The following WWC1 variants were observed in gnomAD, a reference collection of about 807,000 sequenced individuals.
WWC1 encodes protein KIBRA.
A neutral mutation model predicts 138.4 loss-of-function variants in WWC1; 55 were observed. The ratio of observed to expected loss-of-function variants is 0.40; its 90% CI spans 0.32 to 0.50. The LOEUF is 0.50. WWC1 is among the 20% of genes least tolerant of loss of function. The pLI is 0.72. For missense variants in WWC1, 1,226 were observed against 1,420.4 expected, an observed-to-expected ratio of 0.86 and a Z score of 2.20; for synonymous variants, 524 against 564.9, an observed-to-expected ratio of 0.93 and a Z score of 1.03.
chr5:168,336,907 G>A (rs544307529), intron 1 of WWC1, among the ~76,000 whole-genome samples: 12 of 152,278 alleles, frequency 7.9e-5, no homozygotes, highest in Admixed American at 4.6e-4. Context: ...AAGTGGTGAC[G>A]CCGACTTCAG....
intron 1 of WWC1, among the ~76,000 whole-genome samples, chr5:168,314,931 C>A (rs1771443757): frequency 6.6e-6 from 1 of 152,182 alleles, no homozygotes. Flanking sequence ...AGCATTTTAT[C>A]GGAAGCACGG....
chr5:168,349,216 A>T (rs1253979523), intron 1 of WWC1, among the ~76,000 whole-genome samples: 1 of 152,160 alleles, frequency 6.6e-6, no homozygotes, highest in East Asian at 1.9e-4. Context: ...TGTGTCCCAG[A>T]GACCTGTAAG....
intron 1 of WWC1, among the ~76,000 whole-genome samples, chr5:168,318,903 C>G (rs1771832680): frequency 1.3e-5 from 2 of 152,154 alleles, no homozygotes; most frequent in Admixed American, 6.5e-5. Context: ...CAAGGTTTAT[C>G]TATGTTGTCG....
rs1426486732 is a variant in WWC1 at position 168,423,147 on chromosome 5, C to CA, written c.1275-386_1275-385insA. 2.9e-4 allele frequency among the ~76,000 whole-genome samples: 27 copies of CA among 92,986 alleles called. 1 individual carries two copies. The highest frequency in any genetic ancestry group is 7.7e-4 in the African/African-American group (18 of 23,304). The allele number at this position is 92,986 out of a possible 152,430, so 61.0% of individuals were successfully genotyped here. A position where few individuals can be genotyped will look rare whatever the true frequency, so the allele number is the denominator to read the frequency against. On this transcript the variant is annotated intron_variant, in intron 10 of 22. Coordinates refer to ENST00000265293, the MANE Select transcript of WWC1 (RefSeq NM_015238.3). ...GCGACAGAGCAAGACTCCATCCCCC[C>CA]CCAAAAAAAAAAAAAAAAAAAAAAA...
At chr5:168,451,903 C>CTTTTTTTTTTTTTTTTTTTTT (rs3085192) in intron 17 of WWC1, among the ~76,000 whole-genome samples, 1 of 108,544 alleles carries the variant, frequency 9.2e-6, no homozygotes, top group African/African-American at 3.7e-5. Context: ...TTGTTGGTGT[C>CTTTTTTTTTTTTTTTTTTTTT]TTTTTTTTTT....
rs997741046 is a variant in WWC1 at position 168,459,159 on chromosome 5, C to T, written c.2824-1491C>T. On this transcript the variant is annotated intron_variant, in intron 19 of 22. Coordinates refer to ENST00000265293, the MANE Select transcript of WWC1 (RefSeq NM_015238.3). The stretch of plus-strand genomic sequence containing the variant: ...GTCCCAGCTACTTGAGAGGCTGAGG[C>T]GGGAGAATCACTTGAGCCCGAGAAG... 3.4e-5 allele frequency among the ~76,000 whole-genome samples: 5 copies of T among 147,286 alleles called. No homozygotes were observed. In the East Asian group the frequency reaches 8.1e-4, roughly 24 times the overall value.
intron 1 of WWC1, among the ~76,000 whole-genome samples, chr5:168,345,330 C>G (rs978360010): frequency 2.0e-5 from 3 of 152,332 alleles, no homozygotes; most frequent in South Asian, 2.1e-4. Context: ...GTTTCGAACT[C>G]TCGACCTCAA....
At chr5:168,422,252 G>T (rs552579264) in intron 10 of WWC1, among the ~76,000 whole-genome samples, 155 bp downstream of exon 10, 2 of 152,206 alleles carry the variant, frequency 1.3e-5, no homozygotes, top group Non-Finnish European at 2.9e-5. Flanking sequence ...AGACTCGGGC[G>T]TGGCCTGGTG....
intron 1 of WWC1, among the ~76,000 whole-genome samples, chr5:168,349,337 A>G (rs1057040631): frequency 6.6e-6 from 1 of 152,136 alleles, no homozygotes; most frequent in Non-Finnish European, 1.5e-5. Flanking sequence ...GCCTTCTGAA[A>G]TCTTTTGTAT....
At chr5:168,409,875 C>T in intron 7 of WWC1, 47 bp from the exon 8 acceptor site, 7 of 1,604,926 alleles carry the variant, frequency 4.4e-6, no homozygotes, top group Non-Finnish European at 6.0e-6. Context: ...CAACTCAGCA[C>T]CGGCCACAAC....
At chr5:168,334,541 ACCCT>A (rs1773298720) in intron 1 of WWC1, among the ~76,000 whole-genome samples, 1 of 151,016 alleles carries the variant, frequency 6.6e-6, no homozygotes, top group Non-Finnish European at 1.5e-5. Flanking sequence ...GTAAGATCAG[ACCCT>A]CCCCCCTCCA....
intron 5 of WWC1, among the ~76,000 whole-genome samples, chr5:168,400,589 T>C (rs1205403101): frequency 6.6e-6 from 1 of 152,230 alleles, no homozygotes; most frequent in African/African-American, 2.4e-5. Context: ...AGGAATGCTT[T>C]GTTATATAAC....
At chr5:168,328,011 C>T (rs1218071755) in intron 1 of WWC1, among the ~76,000 whole-genome samples, 1 of 152,198 alleles carries the variant, frequency 6.6e-6, no homozygotes, top group Non-Finnish European at 1.5e-5. Context: ...CTGCTCAAAA[C>T]AGAGTGGGAC....
chr5:168,415,236 C>G (rs1043260375), intron 9 of WWC1: 1 of 152,228 alleles, frequency 6.6e-6, no homozygotes, highest in Middle Eastern at 3.2e-3. Context: ...GGTGCTGTCT[C>G]TCTGCTCCAG....
chr5:168,297,329 G>A lies in WWC1; in HGVS notation c.119+5058G>A, dbSNP rs139065836. 4.8e-3 allele frequency among the ~76,000 whole-genome samples: 738 copies of A among 152,266 alleles called. 4 individuals carry two copies. Among genetic ancestry groups the A allele is most frequent in the Middle Eastern group, 0.017 (5 of 294 alleles). On this transcript the variant is annotated intron_variant, in intron 1 of 22. Transcript: ENST00000265293. Reference sequence around the variant, plus strand: ...TGAAATCCAGGCCTCTCATTTCACTGATGAAATTGAGAACCAGCCTGGTGC... The same window carrying A: ...TGAAATCCAGGCCTCTCATTTCACTAATGAAATTGAGAACCAGCCTGGTGC...
intron 15 of WWC1, among the ~76,000 whole-genome samples, chr5:168,431,856 G>A (rs911379783): frequency 5.9e-5 from 9 of 152,112 alleles, no homozygotes; most frequent in African/African-American, 2.2e-4. Flanking sequence ...GATCACTCAA[G>A]TGCAGGAGTT....
At chr5:168,359,033 GGTGTGT>G (rs58992917) in intron 1 of WWC1, among the ~76,000 whole-genome samples, 2,463 of 148,276 alleles carry the variant, frequency 0.017, 47 homozygotes, top group East Asian at 0.068. Flanking sequence ...GTGGTGGTGG[GGTGTGT>G]GTGTGTGTGT....
intron 19 of WWC1, among the ~76,000 whole-genome samples, chr5:168,457,575 A>G (rs1037241164): frequency 2.0e-5 from 3 of 152,062 alleles, no homozygotes; most frequent in African/African-American, 4.8e-5. Flanking sequence ...AATTTGGGGG[A>G]AAGGAAAGTG....
intron 1 of WWC1, among the ~76,000 whole-genome samples, chr5:168,304,518 A>G (rs978514099): frequency 3.3e-5 from 5 of 152,156 alleles, no homozygotes; most frequent in Non-Finnish European, 5.9e-5. Context: ...CCCTCGTACA[A>G]TGGTTCTTCA....
Sources: gnomAD v4.1 joint callset for allele counts (sites outside exome capture counted in the v4.1 genomes callset) on GRCh38, gnomAD v4.1.1 for gene constraint, MANE v1.5 for transcripts, NCBI Gene and HGNC (gene_info 2026-07-23, HGNC 2026-07-21) for gene names.